The following MAP3K9 variants were observed in gnomAD, a reference collection of about 807,000 sequenced individuals.
MAP3K9 encodes the protein mixed lineage kinase 1 (tyr and ser/thr specificity).
Under a neutral mutation model 95.8 loss-of-function variants are expected in MAP3K9, and 46 were observed. The observed-to-expected ratio is 0.48, with a 90% confidence interval of 0.38 to 0.61. MAP3K9 has a LOEUF of 0.61. Among genes scored for constraint, MAP3K9 ranks in the 20% least tolerant of loss-of-function variants. MAP3K9 has a pLI of 0.00. For missense variants in MAP3K9, 1,296 were observed against 1,474.3 expected, an observed-to-expected ratio of 0.88 and a Z score of 1.98; for synonymous variants, 533 against 593.8, an observed-to-expected ratio of 0.90 and a Z score of 1.49.
At chr14:70,798,427 A>T (rs1594812955) in intron 2 of MAP3K9, among the ~76,000 whole-genome samples, 1 of 30,732 alleles carries the variant, frequency 3.3e-5, no homozygotes, top group Non-Finnish European at 7.1e-5. Flanking sequence ...CAGCAATATA[A>T]GCAATCTCTA....
intron 3 of MAP3K9, among the ~76,000 whole-genome samples, chr14:70,756,316 A>C (rs2054298300): frequency 6.6e-6 from 1 of 152,196 alleles, no homozygotes. Flanking sequence ...AAACCTGAGC[A>C]ATTTCAGGGT....
chr14:70,797,440 A>AT (rs2054876830), intron 2 of MAP3K9, among the ~76,000 whole-genome samples: 5 of 151,328 alleles, frequency 3.3e-5, no homozygotes, highest in African/African-American at 1.2e-4. Flanking sequence ...AATAATAATA[A>AT]AATTTTTTAA....
intron 2 of MAP3K9, among the ~76,000 whole-genome samples, chr14:70,789,338 C>T (rs1408634697): frequency 6.6e-6 from 1 of 152,084 alleles, no homozygotes; most frequent in African/African-American, 2.4e-5. Context: ...CTCAGGGCTG[C>T]CTAAAATCCT....
At chr14:70,744,816 G>T (rs1025670161) in intron 5 of MAP3K9, among the ~76,000 whole-genome samples, 11 of 152,192 alleles carry the variant, frequency 7.2e-5, no homozygotes, top group Non-Finnish European at 1.2e-4. Context: ...AAGCCAGAAA[G>T]CTAGAGGGTG....
chr14:70,742,798 C>T (rs1314200428), intron 5 of MAP3K9, among the ~76,000 whole-genome samples: 1 of 152,006 alleles, frequency 6.6e-6, no homozygotes, highest in Non-Finnish European at 1.5e-5. Context: ...AACAGCCATA[C>T]TGACGGGACA....
chr14:70,803,337 T>TAAAAAAAAAA (rs10583563), intron 1 of MAP3K9, among the ~76,000 whole-genome samples: 1 of 75,198 alleles, frequency 1.3e-5, no homozygotes, highest in Non-Finnish European at 2.4e-5. Flanking sequence ...ATTCAGATCT[T>TAAAAAAAAAA]AAAAAAAAAA....
At chr14:70,736,239 C>T (rs1452027883) in intron 8 of MAP3K9, among the ~76,000 whole-genome samples, 1 of 152,172 alleles carries the variant, frequency 6.6e-6, no homozygotes, top group Non-Finnish European at 1.5e-5. Context: ...TGGGCAGCTG[C>T]AGCACGGTTG....
intron 2 of MAP3K9, among the ~76,000 whole-genome samples, chr14:70,767,081 C>T (rs1367745794): frequency 6.6e-6 from 1 of 152,116 alleles, no homozygotes; most frequent in Non-Finnish European, 1.5e-5. Context: ...CAGGACCAGG[C>T]TCTTTGAAAG....
At position 70,760,945 on chromosome 14, in the gene MAP3K9, T is replaced by C. The variant is rs993958033; in HGVS notation, c.1001+57A>G. ...AACCTCAATTCTCCAAGTCTTGAAA[T>C]GTGTGTGCCACCAAGATGGACCTAG... On this transcript the variant is annotated intron_variant, in intron 3 of 11. Transcript: ENST00000554752. 3.2e-6 allele frequency: 5 copies of C among 1,571,876 alleles called. 1 individual carries two copies. Among genetic ancestry groups the C allele is most frequent in the Non-Finnish European group, 4.3e-6 (5 of 1,154,660 alleles).
At chr14:70,744,097 C>T (rs1398688450) in intron 5 of MAP3K9, among the ~76,000 whole-genome samples, 2 of 152,120 alleles carry the variant, frequency 1.3e-5, no homozygotes, top group Non-Finnish European at 2.9e-5. Context: ...TAAACTAACA[C>T]AAGAACAGAA....
In MAP3K9 at chr14:70,725,546, C is replaced by A. The variant is rs1214088321; in HGVS notation, c.*4834G>T. ...CAGCACCTGAGTGGTGAGCACCCAC[C>A]CAGGTAGCAATGCCAGGGAAAAGCC... is the stretch of plus-strand genomic sequence containing the variant. On this transcript the variant is annotated 3_prime_UTR_variant, in exon 12 of 12. Coordinates refer to ENST00000554752, the MANE Select transcript of MAP3K9 (RefSeq NM_001284230.2). 1 of 152,158 alleles carries A rather than the reference C, an allele frequency of 6.6e-6. No homozygotes were observed. The highest frequency in any genetic ancestry group is 2.4e-5 in the African/African-American group (1 of 41,424). The allele number at this position is 152,158 out of a possible 1,614,324, so 9.4% of individuals were successfully genotyped here.
At chr14:70,796,950 GT>G (rs1280851318) in intron 2 of MAP3K9, among the ~76,000 whole-genome samples, 1 of 152,196 alleles carries the variant, frequency 6.6e-6, no homozygotes, top group Non-Finnish European at 1.5e-5. Flanking sequence ...TTCGGGCTAC[GT>G]ACGGTCAATC....
At chr14:70,791,818 C>G (rs556186637) in intron 2 of MAP3K9, among the ~76,000 whole-genome samples, 3 of 152,366 alleles carry the variant, frequency 2.0e-5, no homozygotes, top group South Asian at 2.1e-4. Context: ...GTCTTTCCCC[C>G]TGACCCCACA....
chr14:70,803,190 G>A (rs572952500), intron 1 of MAP3K9, among the ~76,000 whole-genome samples: 29 of 152,004 alleles, frequency 1.9e-4, no homozygotes, highest in African/African-American at 7.0e-4. Context: ...GCAGATGCTG[G>A]TGCCATGCTT....
rs1421062253 is a variant in MAP3K9 at position 70,809,208 on chromosome 14, C to T, written c.-37G>A. 1.6e-6 allele frequency: 2 copies of T among 1,284,336 alleles called. No homozygotes were observed. Among genetic ancestry groups the T allele is most frequent in the Non-Finnish European group, 2.0e-6 (2 of 1,021,654 alleles). 79.6% of individuals were successfully genotyped at this position (1,284,336 alleles called of 1,614,324 possible). ...TCCATAGGGTGCGGGGCCGCCGCCG[C>T]CCGCAGGAGCCGCCGCCGCCTATTG... On this transcript the variant is annotated 5_prime_UTR_variant, in exon 1 of 12. Transcript: ENST00000554752.
At chr14:70,791,442 A>G (rs17108546) in intron 2 of MAP3K9, among the ~76,000 whole-genome samples, 52,530 of 152,112 alleles carry the variant, frequency 0.35, 9,754 homozygotes, top group African/African-American at 0.45. Context: ...AGGCAGGCAG[A>G]ACTCTAGAGC....
At position 70,809,226 on chromosome 14, in the gene MAP3K9, G is replaced by A. The variant is rs1211532348; in HGVS notation, c.-55C>T. On this transcript the variant is annotated 5_prime_UTR_variant, in exon 1 of 12. Coordinates refer to ENST00000554752, the MANE Select transcript of MAP3K9 (RefSeq NM_001284230.2). ...GCCGCCGCCCGCAGGAGCCGCCGCC[G>A]CCTATTGTTCATGCGCCTCCGCAGA... The A allele has an allele frequency of 7.8e-7, 1 of 1,285,804 alleles. No individual in the cohort carries two copies. 79.6% of individuals were successfully genotyped at this position (1,285,804 alleles called of 1,614,324 possible). A position where few individuals can be genotyped will look rare whatever the true frequency, so the allele number is the denominator to read the frequency against.
intron 2 of MAP3K9, among the ~76,000 whole-genome samples, chr14:70,784,679 G>T (rs995175057): frequency 3.3e-5 from 5 of 152,172 alleles, no homozygotes; most frequent in African/African-American, 1.2e-4. Flanking sequence ...GGAAGTGGAG[G>T]CCACTGTACT....
intron 2 of MAP3K9, among the ~76,000 whole-genome samples, chr14:70,797,891 A>C (rs117880147): frequency 0.019 from 2,847 of 152,344 alleles, 38 homozygotes; most frequent in Non-Finnish European, 0.03. Flanking sequence ...CCACACATGT[A>C]AGATTTACAA....
Sources: gnomAD v4.1 joint callset for allele counts (sites outside exome capture counted in the v4.1 genomes callset) on GRCh38, gnomAD v4.1.1 for gene constraint, MANE v1.5 for transcripts, NCBI Gene and HGNC (gene_info 2026-07-23, HGNC 2026-07-21) for gene names.